Variants in TLK1 observed in about 807,000 individuals in gnomAD.
The protein encoded by TLK1 is serine/threonine-protein kinase tousled-like 1.
TLK1 carries 24 observed loss-of-function variants against 105.3 expected under a neutral mutation model. That is an observed-to-expected ratio of 0.23 (90% CI 0.17 to 0.32). The LOEUF is 0.32. Among genes scored for constraint, TLK1 ranks in the 10% least tolerant of loss-of-function variants. The probability of loss-of-function intolerance (pLI) is 1.00; values close to 1 mark genes in which losing one functional copy is unlikely to be tolerated. For missense variants in TLK1, 558 were observed against 910.5 expected (o/e 0.61, Z 4.98); for synonymous variants, 321 against 310.4 (o/e 1.03, Z -0.36).
intron 11 of TLK1, among the ~76,000 whole-genome samples, chr2:171,029,586 T>G (rs940464099): frequency 1.5e-4 from 23 of 152,206 alleles, no homozygotes; most frequent in Admixed American, 1.3e-3. Context: ...GCCTCAGTGT[T>G]CCAAGTAGCT....
intron 3 of TLK1, among the ~76,000 whole-genome samples, chr2:171,074,447 G>A (rs989826291): frequency 1.6e-4 from 25 of 151,976 alleles, no homozygotes; most frequent in Admixed American, 1.2e-3. Flanking sequence ...GGCCAATGTG[G>A]TGAAACCTTG....
chr2:171,055,054 T>C lies in TLK1; in HGVS notation c.639+29A>G, dbSNP rs377736478. On this transcript the variant is annotated intron_variant, in intron 7 of 20. Coordinates refer to ENST00000431350, the MANE Select transcript of TLK1 (RefSeq NM_012290.5). ...TTAGTCAATGGTTTCTTAGAAGCCA[T>C]AGAAAAAAACATTTTAATTATCATT... The C allele has an allele frequency of 3.3e-4, 444 of 1,326,454 alleles. 3 individuals carry two copies. Among genetic ancestry groups the C allele is most frequent in the South Asian group, 2.7e-3 (155 of 57,450 alleles). 82.2% of individuals were successfully genotyped at this position (1,326,454 alleles called of 1,614,324 possible). A position where few individuals can be genotyped will look rare whatever the true frequency, so the allele number is the denominator to read the frequency against.
intron 1 of TLK1, among the ~76,000 whole-genome samples, chr2:171,224,186 C>T (rs543299572): frequency 2.3e-4 from 35 of 152,178 alleles, no homozygotes; most frequent in Non-Finnish European, 4.9e-4. Context: ...TTTTCTAGCA[C>T]CATTTTTTGA....
chr2:171,050,793 G>T (rs1254418538), intron 8 of TLK1, among the ~76,000 whole-genome samples: 1 of 152,220 alleles, frequency 6.6e-6, no homozygotes, highest in Admixed American at 6.5e-5. Flanking sequence ...AGTCTGATTA[G>T]TACAGTGGCA....
chr2:171,133,259 T>C (rs1201113165), intron 1 of TLK1, among the ~76,000 whole-genome samples: 1 of 151,966 alleles, frequency 6.6e-6, no homozygotes, highest in Admixed American at 6.6e-5. Context: ...ACTAGAACAG[T>C]GACAGATAAG....
chr2:171,057,787 C>T (rs1687572528), intron 5 of TLK1, among the ~76,000 whole-genome samples: 1 of 151,980 alleles, frequency 6.6e-6, no homozygotes. Context: ...GCCTAGTGTT[C>T]TATTATTGCT....
chr2:171,143,790 AAG>A (rs1199272299), intron 1 of TLK1, among the ~76,000 whole-genome samples: 1 of 151,946 alleles, frequency 6.6e-6, no homozygotes, highest in Non-Finnish European at 1.5e-5. Context: ...AAGAGGACAA[AAG>A]AGAAATGAGA....
chr2:171,085,092 A>C (rs922338840), intron 2 of TLK1, among the ~76,000 whole-genome samples: 1 of 152,212 alleles, frequency 6.6e-6, no homozygotes, highest in Non-Finnish European at 1.5e-5. Flanking sequence ...CTGTAATTCA[A>C]GAAAATGTCT....
At chr2:171,193,699 C>CTTTT (rs1558986605) in intron 1 of TLK1, among the ~76,000 whole-genome samples, 2 of 103,242 alleles carry the variant, frequency 1.9e-5, no homozygotes, top group African/African-American at 8.0e-5. Context: ...CAGCGCCTGG[C>CTTTT]ATTTTTTTTT....
intron 1 of TLK1, among the ~76,000 whole-genome samples, chr2:171,144,806 GA>G: frequency 6.6e-6 from 1 of 152,000 alleles, no homozygotes; most frequent in Non-Finnish European, 1.5e-5. Flanking sequence ...AGAATAGGGG[GA>G]AAAAGTTTTA....
At chr2:171,088,423 A>G (rs1198366556) in intron 2 of TLK1, among the ~76,000 whole-genome samples, 1 of 152,242 alleles carries the variant, frequency 6.6e-6, no homozygotes, top group Non-Finnish European at 1.5e-5. Context: ...ATGCACAGAT[A>G]TGAACAAAGT....
rs547018542 is a variant in TLK1, at chr2:171,213,830, C to T, written c.-6+17315G>A. ...CTCAAACTCCTGGGCTCAAATGATC[C>T]TCCCACCTCAGCCTCCCAAGTAGCT... On this transcript the variant is annotated intron_variant, in intron 1 of 20. Coordinates refer to the TLK1 transcript ENST00000521943. 7.5e-4 allele frequency among the ~76,000 whole-genome samples: 110 copies of T among 146,562 alleles called. 1 individual carries two copies. The highest frequency in any genetic ancestry group is 2.6e-3 in the African/African-American group (105 of 39,958).
At chr2:171,022,096 C>CACACAGACACACAG (rs895476914) in intron 12 of TLK1, among the ~76,000 whole-genome samples, 2 of 150,368 alleles carry the variant, frequency 1.3e-5, no homozygotes, top group East Asian at 3.9e-4. Flanking sequence ...AACACACACA[C>CACACAGACACACAG]ACACACACAC....
At chr2:171,162,621 G>A (rs1692533808), upstream of TLK1, among the ~76,000 whole-genome samples, 1 of 152,204 alleles carries the variant, frequency 6.6e-6, no homozygotes, top group Admixed American at 6.5e-5. Context: ...CTACAAGGAA[G>A]ATGGTGAATG....
intron 1 of TLK1, among the ~76,000 whole-genome samples, chr2:171,182,293 T>G (rs1692941507): frequency 6.6e-6 from 1 of 152,258 alleles, no homozygotes; most frequent in Non-Finnish European, 1.5e-5. Context: ...CCCCAAATTC[T>G]TATTAATTAC....
chr2:170,995,772 A>T (rs1222811951), intron 20 of TLK1, among the ~76,000 whole-genome samples: 1 of 152,082 alleles, frequency 6.6e-6, no homozygotes, highest in South Asian at 2.1e-4. Flanking sequence ...GTGCGATCTC[A>T]CCTCACTGCA....
At chr2:171,076,736 A>T (rs1409273427) in intron 3 of TLK1, among the ~76,000 whole-genome samples, 1 of 44,820 alleles carries the variant, frequency 2.2e-5, no homozygotes, top group Non-Finnish European at 4.5e-5. Context: ...CATCTCTACT[A>T]AAAAAAAAAA....
intron 1 of TLK1, among the ~76,000 whole-genome samples, chr2:171,210,959 G>A (rs559942465): frequency 2.0e-5 from 3 of 152,308 alleles, no homozygotes; most frequent in South Asian, 2.1e-4. Context: ...ATATACAGCC[G>A]GATGTGCCAG....
chr2:171,157,948 C>T (rs984359925), intron 1 of TLK1, among the ~76,000 whole-genome samples: 4 of 152,126 alleles, frequency 2.6e-5, no homozygotes, highest in African/African-American at 9.7e-5. Flanking sequence ...TTAATATTAA[C>T]GGTTCTTACT....
Sources: allele counts gnomAD v4.1 joint callset (sites outside exome capture counted in the v4.1 genomes callset), GRCh38; gene constraint gnomAD v4.1.1; transcripts MANE v1.5; gene names NCBI Gene and HGNC (gene_info 2026-07-23, HGNC 2026-07-21).